Variants in FAM217B observed in about 807,000 individuals in gnomAD.
The protein encoded by FAM217B is protein FAM217B.
For synonymous variants in FAM217B, 163 were observed against 173.0 expected, an observed-to-expected ratio of 0.94 and a Z score of 0.45; for missense variants, 463 against 456.9, an observed-to-expected ratio of 1.01 and a Z score of -0.12.
chr20:59,941,793 A>G (rs2060906979), intron 1 of FAM217B, among the ~76,000 whole-genome samples: 1 of 152,224 alleles, frequency 6.6e-6, no homozygotes, highest in Admixed American at 6.5e-5. Flanking sequence ...TATTTGTTGC[A>G]TGAATGAATG....
At chr20:59,935,477 A>G (rs2060856574), upstream of FAM217B, among the ~76,000 whole-genome samples, 1 of 152,296 alleles carries the variant, frequency 6.6e-6, no homozygotes, top group African/African-American at 2.4e-5. Context: ...ATTATAATCA[A>G]AATTTGGAAA....
upstream of FAM217B, chr20:59,939,878 C>A: frequency 8.0e-7 from 1 of 1,249,534 alleles, no homozygotes; most frequent in Non-Finnish European, 1.0e-6. Flanking sequence ...GGGGGCCGAG[C>A]TTCCGGGATC....
chr20:59,939,514 C>T (rs761446726), upstream of FAM217B: 1 of 1,612,150 alleles, frequency 6.2e-7, no homozygotes, highest in Non-Finnish European at 8.5e-7. Context: ...CAGCACAGGT[C>T]CGAGTTGATT....
At chr20:59,939,146 C>T (rs779619612), upstream of FAM217B, 8 of 1,611,140 alleles carry the variant, frequency 5.0e-6, no homozygotes, top group Non-Finnish European at 5.9e-6. Flanking sequence ...ACTCGGCACC[C>T]GCCACTTGGT....
chr20:59,941,148 G>A lies in FAM217B; in HGVS notation c.-203+613G>A, dbSNP rs565061090. On this transcript the variant is annotated intron_variant, in intron 1 of 3. Coordinates refer to ENST00000360816, the MANE Select transcript of FAM217B (RefSeq NM_022106.3). Reference sequence around the variant, plus strand: ...TTGAGCACAAAACCCCACAGCCTTTGGTGTAAAGCATACCAGGTGAAATGA... The same window carrying A: ...TTGAGCACAAAACCCCACAGCCTTTAGTGTAAAGCATACCAGGTGAAATGA... 9.8e-5 allele frequency among the ~76,000 whole-genome samples: 15 copies of A among 152,314 alleles called. No individual in the cohort carries two copies. In the East Asian group the frequency reaches 2.9e-3, roughly 29 times the overall value.
upstream of FAM217B, chr20:59,938,232 A>C (rs2060873541): frequency 1.3e-5 from 2 of 152,276 alleles, no homozygotes; most frequent in Admixed American, 1.3e-4. Context: ...GATAATGATC[A>C]AACATGTACA....
chr20:59,939,900 G>A (rs368068280), upstream of FAM217B: 6 of 1,253,264 alleles, frequency 4.8e-6, no homozygotes, highest in Non-Finnish European at 6.0e-6. Flanking sequence ...CAGGGCGCTA[G>A]GCAGGACCGC....
rs1481041290 is a variant in FAM217B, at chr20:59,948,244, T to C, written c.*3149T>C. On this transcript the variant is annotated 3_prime_UTR_variant, in exon 4 of 4. Coordinates refer to ENST00000360816, the MANE Select transcript of FAM217B (RefSeq NM_022106.3). Reference sequence around the variant, plus strand: ...GTAACTAACTTGAATAGGATAGACTTCATACCCTGTGACAAAAAGGATGGG... The same window carrying C: ...GTAACTAACTTGAATAGGATAGACTCCATACCCTGTGACAAAAAGGATGGG... The C allele has an allele frequency of 1.2e-5, 2 of 167,034 alleles. No individual in the cohort carries two copies. Among genetic ancestry groups the C allele is most frequent in the Non-Finnish European group, 2.9e-5 (2 of 68,112 alleles). 10.3% of individuals were successfully genotyped at this position (167,034 alleles called of 1,614,324 possible). A position where few individuals can be genotyped will look rare whatever the true frequency, so the allele number is the denominator to read the frequency against.
chr20:59,936,851 T>C (rs1170543989), upstream of FAM217B: 15 of 152,366 alleles, frequency 9.8e-5, no homozygotes, highest in Non-Finnish European at 5.9e-5. Context: ...ACATATACTT[T>C]AATACTTAGG....
upstream of FAM217B, chr20:59,938,866 G>T (rs543792050): frequency 2.2e-5 from 13 of 582,234 alleles, no homozygotes; most frequent in African/African-American, 1.9e-4. Flanking sequence ...GACGTTTCAA[G>T]TAGAAGACAG....
In FAM217B at chr20:59,945,320, C is replaced by T. The variant is rs2060930940; in HGVS notation, c.*225C>T. 1 of 430,834 alleles carries T rather than the reference C, an allele frequency of 2.3e-6. No individual in the cohort carries two copies. Among genetic ancestry groups the T allele is most frequent in the Non-Finnish European group, 4.3e-6 (1 of 234,314 alleles). The allele number at this position is 430,834 out of a possible 1,614,324, so 26.7% of individuals were successfully genotyped here. The stretch of plus-strand genomic sequence containing the variant: ...ATTGTCAGTCTTAGGCAAATGAGAG[C>T]CCTTTAGATAAAAATTATGTAAAAT... On this transcript the variant is annotated 3_prime_UTR_variant, in exon 4 of 4. Coordinates refer to ENST00000360816, the MANE Select transcript of FAM217B (RefSeq NM_022106.3).
In FAM217B at chr20:59,944,782, G is replaced by A. The variant is rs148726528; in HGVS notation, c.839G>A (p.Cys280Tyr). The change falls in exon 4 of 4, where the codon TGT becomes TAT. Residue 280 changes from cysteine (C) to tyrosine (Y), a missense_variant. Coordinates refer to ENST00000360816, the MANE Select transcript of FAM217B (RefSeq NM_022106.3). ...GATGTGCTTGGTGGTACCAGGTTTT[G>A]TTCTCAGAGGCAAACCCTTGAAATG... ...PIDVLGGTRF[C>Y]SQRQTLEMRT... 1.9e-6 allele frequency: 3 copies of A among 1,614,200 alleles called. No individual in the cohort carries two copies. Among genetic ancestry groups the A allele is most frequent in the Admixed American group, 3.3e-5 (2 of 60,030 alleles).
At chr20:59,939,656 C>T (rs1730855190), upstream of FAM217B, 7 of 1,508,472 alleles carry the variant, frequency 4.6e-6, no homozygotes, top group African/African-American at 7.2e-5. Flanking sequence ...CCGGCCGACA[C>T]GCAGCGCCCG....
rs1188103068 is a variant in FAM217B at position 59,946,928 on chromosome 20, A to G, written c.*1833A>G. 1 of 167,078 alleles carries G rather than the reference A, an allele frequency of 6.0e-6. No individual in the cohort carries two copies. Among genetic ancestry groups the G allele is most frequent in the Admixed American group, 6.5e-5 (1 of 15,290 alleles). The allele number at this position is 167,078 out of a possible 1,614,324, so 10.3% of individuals were successfully genotyped here. On this transcript the variant is annotated 3_prime_UTR_variant, in exon 4 of 4. Coordinates refer to ENST00000360816, the MANE Select transcript of FAM217B (RefSeq NM_022106.3). ...GTGAGCACAGATTAGTCTGTTATCC[A>G]TGGCTGGCACTTCACTTATGATCCT...
At chr20:59,934,780 A>G (rs2060847976) in intron 1 of FAM217B, among the ~76,000 whole-genome samples, 1 of 152,204 alleles carries the variant, frequency 6.6e-6, no homozygotes, top group African/African-American at 2.4e-5. Context: ...TGGGATTAAG[A>G]TTTAAATGTG....
rs2060939128 is a variant in FAM217B at position 59,946,741 on chromosome 20, T to C, written c.*1646T>C. On this transcript the variant is annotated 3_prime_UTR_variant, in exon 4 of 4. Coordinates refer to ENST00000360816, the MANE Select transcript of FAM217B (RefSeq NM_022106.3). ...CTAAGATCTTACTTTAAGCTTTTTA[T>C]GTGAACAAAAGATGTACATATAGTA... 6.0e-6 allele frequency: 1 copy of C among 167,122 alleles called. No individual in the cohort carries two copies. The highest frequency in any genetic ancestry group is 1.5e-5 in the Non-Finnish European group (1 of 68,134). The allele number at this position is 167,122 out of a possible 1,614,324, so 10.4% of individuals were successfully genotyped here.
chr20:59,944,105 G>A lies in FAM217B; in HGVS notation c.162G>A (p.Pro54=), dbSNP rs150410816. 30 of 1,614,076 alleles carry A rather than the reference G, an allele frequency of 1.9e-5. No homozygotes were observed. In the African/African-American group the frequency reaches 3.3e-4, roughly 18 times the overall value. The change falls in exon 4 of 4, where the codon CCG becomes CCA. Residue 54 remains proline (P), a synonymous_variant. Transcript: ENST00000360816. ...AAAAACTTAAAGAAAGCATTTCCCC[G>A]GAAGCAAGACGCAAAAGGAATCCAC... ...TEEKLKESIS[P]EARRKRNPLG... is the part of the protein sequence containing the mutation.
chr20:59,939,282 T>G (rs779417764), upstream of FAM217B: 1 of 1,611,550 alleles, frequency 6.2e-7, no homozygotes, highest in Non-Finnish European at 8.5e-7. Context: ...CACCGCCTCG[T>G]GGGTACTGCG....
upstream of FAM217B, chr20:59,939,778 G>T: frequency 8.2e-7 from 1 of 1,223,966 alleles, no homozygotes; most frequent in Non-Finnish European, 1.0e-6. Context: ...GGCGTTGGCG[G>T]CGGCGCGCGG....
Sources: allele counts gnomAD v4.1 joint callset (sites outside exome capture counted in the v4.1 genomes callset), GRCh38; gene constraint gnomAD v4.1.1; transcripts MANE v1.5; gene names NCBI Gene and HGNC (gene_info 2026-07-23, HGNC 2026-07-21).